NRG3: variants seen among roughly 807,000 people sequenced by gnomAD.
NRG3 encodes the protein pro-neuregulin-3, membrane-bound isoform.
NRG3 carries 31 observed loss-of-function variants against 66.9 expected under a neutral mutation model. That is an observed-to-expected ratio of 0.46 (90% confidence interval 0.35 to 0.63). The LOEUF is 0.63. NRG3 is among the 20% of genes least tolerant of loss of function. The probability of loss-of-function intolerance (pLI) is 0.00; values close to 1 mark genes in which losing one functional copy is unlikely to be tolerated. For synonymous variants in NRG3, 393 were observed against 359.4 expected (o/e 1.09, Z -1.06); for missense variants, 910 against 878.9 (o/e 1.04, Z -0.45).
intron 3 of NRG3, among the ~76,000 whole-genome samples, chr10:82,855,681 A>C (rs1233686445): frequency 6.6e-6 from 1 of 152,088 alleles, no homozygotes; most frequent in Non-Finnish European, 1.5e-5. Flanking sequence ...TGCAGGTGTG[A>C]GCCACCACGT....
intron 2 of NRG3, among the ~76,000 whole-genome samples, chr10:82,629,333 G>C (rs2049648864): frequency 6.6e-6 from 1 of 152,144 alleles, no homozygotes; most frequent in African/African-American, 2.4e-5. Flanking sequence ...TTAGGAAATT[G>C]AAGGTTGAAG....
At chr10:82,162,539 G>A (rs952334130) in intron 1 of NRG3, among the ~76,000 whole-genome samples, 4 of 152,084 alleles carry the variant, frequency 2.6e-5, no homozygotes, top group African/African-American at 9.7e-5. Flanking sequence ...TTTGGGCAGA[G>A]TAAATCTTTC....
intron 1 of NRG3, among the ~76,000 whole-genome samples, chr10:82,298,117 C>G (rs538234961): frequency 6.6e-6 from 1 of 151,276 alleles, no homozygotes; most frequent in African/African-American, 2.4e-5. Context: ...GCACTCAAGC[C>G]TGGGCAACAG....
At chr10:81,971,780 C>T (rs1161479659) in intron 1 of NRG3, among the ~76,000 whole-genome samples, 1 of 152,076 alleles carries the variant, frequency 6.6e-6, no homozygotes, top group Admixed American at 6.6e-5. Flanking sequence ...ACCATGGTGG[C>T]TAGAATGCAC....
chr10:82,202,881 A>G (rs190166178), intron 1 of NRG3, among the ~76,000 whole-genome samples: 1 of 152,328 alleles, frequency 6.6e-6, no homozygotes, highest in East Asian at 1.9e-4. Context: ...ATGCTATTAG[A>G]CTATATAAAA....
intron 3 of NRG3, among the ~76,000 whole-genome samples, chr10:82,794,853 A>G (rs931292673): frequency 4.6e-5 from 7 of 152,178 alleles, no homozygotes; most frequent in Admixed American, 3.9e-4. Context: ...ACATCCTCTA[A>G]TGGAGGAATG....
chr10:82,437,371 G>A (rs538850792), intron 2 of NRG3, among the ~76,000 whole-genome samples: 215 of 151,814 alleles, frequency 1.4e-3, no homozygotes, highest in African/African-American at 4.7e-3. Context: ...CTTGTGCTGT[G>A]TTTTTCGGCT....
intron 3 of NRG3, among the ~76,000 whole-genome samples, chr10:82,790,272 T>C (rs554375743): frequency 1.2e-4 from 19 of 152,254 alleles, no homozygotes; most frequent in African/African-American, 4.1e-4. Flanking sequence ...TGGTATTTCT[T>C]GTAGGGCAGG....
intron 4 of NRG3, among the ~76,000 whole-genome samples, chr10:82,914,431 A>G (rs1845637489): frequency 6.6e-6 from 1 of 152,042 alleles, no homozygotes; most frequent in Non-Finnish European, 1.5e-5. Flanking sequence ...GTGAGTTTTT[A>G]AGTAAGTTTT....
intron 2 of NRG3, among the ~76,000 whole-genome samples, chr10:82,517,262 T>G (rs551867905): frequency 2.5e-4 from 38 of 152,282 alleles, no homozygotes; most frequent in Non-Finnish European, 4.6e-4. Flanking sequence ...ACTCTGTCTT[T>G]CTTTGTATTT....
chr10:82,813,016 A>C (rs569375320), intron 3 of NRG3, among the ~76,000 whole-genome samples: 1 of 152,318 alleles, frequency 6.6e-6, no homozygotes, highest in African/African-American at 2.4e-5. Flanking sequence ...AGCAACAGAA[A>C]GACATTTTCA....
chr10:82,543,653 T>C (rs2043698002), intron 2 of NRG3, among the ~76,000 whole-genome samples: 1 of 152,244 alleles, frequency 6.6e-6, no homozygotes, highest in Admixed American at 6.5e-5. Flanking sequence ...TATTTTCATC[T>C]ATATTACCTT....
chr10:82,428,554 T>C (rs1233915878), intron 2 of NRG3, among the ~76,000 whole-genome samples: 1 of 152,034 alleles, frequency 6.6e-6, no homozygotes, highest in Non-Finnish European at 1.5e-5. Context: ...TAAAATTTCA[T>C]TTCATTGTGT....
chr10:82,741,197 C>A (rs1229526323), intron 3 of NRG3, among the ~76,000 whole-genome samples: 1 of 152,094 alleles, frequency 6.6e-6, no homozygotes, highest in Non-Finnish European at 1.5e-5. Flanking sequence ...TAATTCATTT[C>A]ATCAGTATTT....
intron 2 of NRG3, among the ~76,000 whole-genome samples, chr10:82,437,781 G>A (rs2090220735): frequency 6.6e-6 from 1 of 152,068 alleles, no homozygotes; most frequent in African/African-American, 2.4e-5. Context: ...CTGGTTTGTT[G>A]TTCTTTCAGT....
intron 1 of NRG3, among the ~76,000 whole-genome samples, chr10:82,168,223 G>T (rs1460972156): frequency 3.3e-5 from 5 of 152,000 alleles, no homozygotes; most frequent in African/African-American, 7.2e-5. Context: ...CTAAATGTTT[G>T]TCAACATTTG....
chr10:82,643,256 C>T (rs984938247), intron 2 of NRG3, among the ~76,000 whole-genome samples: 1 of 151,980 alleles, frequency 6.6e-6, no homozygotes, highest in Non-Finnish European at 1.5e-5. Context: ...GGGTGGTTTC[C>T]TGTGCTGTTA....
At chr10:81,980,658 G>T (rs2133458675) in intron 1 of NRG3, among the ~76,000 whole-genome samples, 1 of 152,314 alleles carries the variant, frequency 6.6e-6, no homozygotes, top group East Asian at 1.9e-4. Context: ...CAAGCTGCTT[G>T]TGTTAGTTTG....
At position 82,132,527 on chromosome 10, in the gene NRG3, TATATATATG is replaced by T. The variant is rs1564593977; in HGVS notation, c.824-226203_824-226195del. On this transcript the variant is annotated intron_variant, in intron 1 of 8. Coordinates refer to ENST00000372141, the MANE Select transcript of NRG3 (RefSeq NM_001010848.4). ...TATCATATATATATGATATATATGA[TATATATATG>T]ATATATATATATCTTTGTCTGGTTT... Among the ~76,000 whole-genome samples, 56 of 115,766 alleles carry T rather than the reference TATATATATG, an allele frequency of 4.8e-4. 3 individuals carry two copies. Among genetic ancestry groups the T allele is most frequent in the South Asian group, 7.6e-4 (3 of 3,936 alleles). The allele number at this position is 115,766 out of a possible 152,430, so 75.9% of individuals were successfully genotyped here. A position where few individuals can be genotyped will look rare whatever the true frequency, so the allele number is the denominator to read the frequency against.
Sources: gnomAD v4.1 joint callset for allele counts (sites outside exome capture counted in the v4.1 genomes callset) on GRCh38, gnomAD v4.1.1 for gene constraint, MANE v1.5 for transcripts, NCBI Gene and HGNC (gene_info 2026-07-23, HGNC 2026-07-21) for gene names.